Variants in MAP4K1 observed in about 807,000 individuals in gnomAD.
The protein encoded by MAP4K1 is MAPK/ERK kinase kinase kinase 1.
In MAP4K1, 35 loss-of-function variants were observed where a neutral mutation model predicts 122.8. The observed-to-expected ratio is 0.29, with a 90% CI of 0.22 to 0.38. MAP4K1 has a LOEUF of 0.38. Among genes scored for constraint, MAP4K1 ranks in the 10% least tolerant of loss-of-function variants. The pLI is 1.00. For missense variants in MAP4K1, 791 were observed against 1,072.6 expected, an observed-to-expected ratio of 0.74 and a Z score of 3.67; for synonymous variants, 412 against 421.3, an observed-to-expected ratio of 0.98 and a Z score of 0.27.
rs1351016967 is a variant in MAP4K1 at position 38,609,577 on chromosome 19, A to T, written c.1006+19T>A. ...ATTATAGGGTCAGGTGTCCCCAAAC[A>T]TAAGGATTCTCTACTCACGACAGCA... On this transcript the variant is annotated intron_variant, in intron 13 of 30. Coordinates refer to ENST00000396857, the MANE Select transcript of MAP4K1 (RefSeq NM_001042600.3). The T allele has an allele frequency of 6.2e-7, 1 of 1,610,928 alleles. No homozygotes were observed. The highest frequency in any genetic ancestry group is 8.5e-7 in the Non-Finnish European group (1 of 1,178,332).
At chr19:38,601,319 A>G (rs1260234179) in intron 20 of MAP4K1, 122 bp downstream of exon 20, 30 of 833,500 alleles carry the variant, frequency 3.6e-5, no homozygotes, top group Non-Finnish European at 5.5e-5. Context: ...CAGCCTGGCC[A>G]CACCCCAACT....
At chr19:38,612,842 G>C in intron 8 of MAP4K1, 100 bp from the exon 9 acceptor site, 2 of 1,304,724 alleles carry the variant, frequency 1.5e-6, no homozygotes, top group South Asian at 2.5e-5. Flanking sequence ...GCAGCACACA[G>C]AGAGTCAGAT....
chr19:38,589,356 G>C, intron 30 of MAP4K1: 1 of 224,872 alleles, frequency 4.4e-6, no homozygotes, highest in South Asian at 4.1e-5. Context: ...GTGAAAATCT[G>C]ATGAGAAACA....
chr19:38,603,102 GTA>G (rs1975180986), intron 19 of MAP4K1, among the ~76,000 whole-genome samples: 1 of 71,916 alleles, frequency 1.4e-5, no homozygotes, highest in South Asian at 4.5e-4. Context: ...ATATACACAT[GTA>G]CATATATACA....
At chr19:38,602,779 C>CATATACATATATACACACATACAT (rs1568630738) in intron 19 of MAP4K1, among the ~76,000 whole-genome samples, 1 of 144,118 alleles carries the variant, frequency 6.9e-6, no homozygotes, top group Non-Finnish European at 1.5e-5. Flanking sequence ...CATATATACA[C>CATATACATATATACACACATACAT]ATATACATAT....
At chr19:38,611,222 C>A in intron 10 of MAP4K1, 21 bp downstream of exon 10, 7 of 1,611,324 alleles carry the variant, frequency 4.3e-6, no homozygotes, top group Non-Finnish European at 5.9e-6. Context: ...TCTCACCCTC[C>A]CTCCTGTTAC....
In MAP4K1 at chr19:38,593,296, C is replaced by T. The variant is rs770628237; in HGVS notation, c.2382G>A (p.Leu794=). Residue 794 remains leucine (L), a synonymous_variant, in exon 30 of 31, where the codon CTG becomes CTA. Transcript: ENST00000396857. Reference sequence around the variant, plus strand: ...CCACAACATACCTGGGGGAGCCAAGCAGACGGAAAGTGAGGGTAGGGTCTC... The same window carrying T: ...CCACAACATACCTGGGGGAGCCAAGTAGACGGAAAGTGAGGGTAGGGTCTC... The part of the protein sequence containing the change: ...ELRDPTLTFR[L]LGSPRPVVVE... 1 of 1,612,168 alleles carries T rather than the reference C, an allele frequency of 6.2e-7. No individual in the cohort carries two copies. Among genetic ancestry groups the T allele is most frequent in the Non-Finnish European group, 8.5e-7 (1 of 1,179,100 alleles).
intron 22 of MAP4K1, among the ~76,000 whole-genome samples, chr19:38,599,626 C>T (rs573080930): frequency 6.6e-6 from 1 of 151,874 alleles, no homozygotes; most frequent in Non-Finnish European, 1.5e-5. Context: ...TGTACCACTG[C>T]GCTCCAGCCT....
In MAP4K1 at chr19:38,614,336, T is replaced by C. The variant is rs1222239589; in HGVS notation, c.370-44A>G. 3.7e-6 allele frequency: 6 copies of C among 1,613,804 alleles called. No individual in the cohort carries two copies. The East Asian group carries it at 1.3e-4, about 36-fold the overall frequency. Reference sequence around the variant, plus strand: ...AAGGGGACAGTGAGTGTTTGGGGGCTGGAGTGGGGCCACCCTCCCCTCCCA... The same window carrying C: ...AAGGGGACAGTGAGTGTTTGGGGGCCGGAGTGGGGCCACCCTCCCCTCCCA... On this transcript the variant is annotated intron_variant, in intron 5 of 30. Transcript: ENST00000396857.
chr19:38,603,173 CAT>C (rs1445124370), intron 19 of MAP4K1, among the ~76,000 whole-genome samples: 2 of 148,628 alleles, frequency 1.3e-5, no homozygotes, highest in East Asian at 2.0e-4. Context: ...CATATATACA[CAT>C]GTACATATAT....
intron 20 of MAP4K1, among the ~76,000 whole-genome samples, chr19:38,601,190 T>C (rs893564829): frequency 6.6e-6 from 1 of 150,654 alleles, no homozygotes. Context: ...CTCAAATGAT[T>C]CACCCGCCTC....
chr19:38,609,625 G>T lies in MAP4K1; in HGVS notation c.977C>A (p.Ser326Tyr). 2 of 1,613,934 alleles carry T rather than the reference G, an allele frequency of 1.2e-6. No individual in the cohort carries two copies. Among genetic ancestry groups the T allele is most frequent in the South Asian group, 1.1e-5 (1 of 91,016 alleles). ...RRIRSTHRSS[S>Y]LGIPDADCCR... ...GCAGTCTGCATCTGGGATCCCCAGA[G>T]AGCTGGAGCGGTGGGTGGATCTGAT... Residue 326 changes from serine (S) to tyrosine (Y), a missense_variant, in exon 13 of 31, where the codon TCT becomes TAT. Physicochemically the swap from Ser to Tyr is moderately radical, Grantham distance 144. Around this residue, in one of 4 missense-constraint regions of MAP4K1, gnomAD observed 303 missense variants for 344.8 expected, o/e 0.88. Coordinates refer to ENST00000396857, the MANE Select transcript of MAP4K1 (RefSeq NM_001042600.3).
rs1486195248 is a variant in MAP4K1, at chr19:38,597,703, A to C, written c.1670-109T>G. ...CCCATCCCTTTGTCTGAAACTCCCA[A>C]GCCTGCAAGTCTCAAGTACTTGTCA... On this transcript the variant is annotated intron_variant, in intron 22 of 30. Coordinates refer to ENST00000396857, the MANE Select transcript of MAP4K1 (RefSeq NM_001042600.3). The surrounding 1 kb of genome is among the most constrained non-coding windows in gnomAD (Gnocchi z 4.6). 2 of 675,068 alleles carry C rather than the reference A, an allele frequency of 3.0e-6. No homozygotes were observed. The highest frequency in any genetic ancestry group is 3.6e-5 in the African/African-American group (2 of 55,224). 41.8% of individuals were successfully genotyped at this position (675,068 alleles called of 1,614,324 possible).
In MAP4K1 at chr19:38,594,975, A is replaced by ATCTATCTG. The variant is rs1555808085; in HGVS notation, c.2340+509_2340+510insCAGATAGA. Among the ~76,000 whole-genome samples the ATCTATCTG allele has an allele frequency of 7.8e-3, 1,175 of 150,958 alleles. 14 individuals carry two copies. Among genetic ancestry groups the ATCTATCTG allele is most frequent in the African/African-American group, 0.028 (1,138 of 41,010 alleles). On this transcript the variant is annotated intron_variant, in intron 29 of 30. Coordinates refer to ENST00000396857, the MANE Select transcript of MAP4K1 (RefSeq NM_001042600.3). ...ATAAATTTTATCTATCTATCTATCT[A>ATCTATCTG]TCTATCTATCTATCTATCTATAAAA...
In MAP4K1 at chr19:38,608,234, A is replaced by C. The variant is rs1975390520; in HGVS notation, c.1007-64T>G. ...GGGCAAGGGGTAACGAGATGGGTTTAAGAACAGAAAGAGTAGAATTGGCGG... is the reference window on the plus strand; with the variant it reads ...GGGCAAGGGGTAACGAGATGGGTTTCAGAACAGAAAGAGTAGAATTGGCGG... On this transcript the variant is annotated intron_variant, in intron 13 of 30. Transcript: ENST00000396857. 4 of 730,232 alleles carry C rather than the reference A, an allele frequency of 5.5e-6. No homozygotes were observed. The Admixed American group carries it at 1.1e-4, about 20-fold the overall frequency. 45.2% of individuals were successfully genotyped at this position (730,232 alleles called of 1,614,324 possible).
At chr19:38,611,332 G>A (rs1378889796) in intron 9 of MAP4K1, 27 bp from the exon 10 acceptor site, 1 of 1,547,896 alleles carries the variant, frequency 6.5e-7, no homozygotes, top group African/African-American at 1.4e-5. Context: ...AGGACATGGG[G>A]TTCAGACCCT....
Position 38,605,723 on chromosome 19 carries a change from A to G in MAP4K1, c.1208T>C (p.Phe403Ser). The change falls in exon 18 of 31, where the codon TTC (phenylalanine) becomes TCC (serine). Residue 403 changes from phenylalanine (F) to serine (S), a missense_variant. Coordinates refer to ENST00000396857, the MANE Select transcript of MAP4K1 (RefSeq NM_001042600.3). ...TPPPLPPKPK[F>S]RSPSDEGPGS... ...AGGACCCTCGTCTGATGGAGAACGG[A>G]ACTTGGGCTTTGGAGACGGGAATGG... The G allele has an allele frequency of 6.2e-7, 1 of 1,605,300 alleles. No homozygotes were observed. The highest frequency in any genetic ancestry group is 1.1e-5 in the South Asian group (1 of 90,272).
At position 38,596,263 on chromosome 19, in the gene MAP4K1, C is replaced by G. The variant is rs1213955282; in HGVS notation, c.2116+49G>C. On this transcript the variant is annotated intron_variant, in intron 26 of 30. Transcript: ENST00000396857. ...GCGAAGCCCCGCCTCCAGCTCCGCC[C>G]CTCCGGATCTGATAAGCCCCGCCCT... The G allele has an allele frequency of 2.0e-6, 3 of 1,493,658 alleles. 1 individual carries two copies. In the South Asian group the frequency reaches 4.0e-5, roughly 20 times the overall value. 92.5% of individuals were successfully genotyped at this position (1,493,658 alleles called of 1,614,324 possible).
At chr19:38,609,557 A>G (rs1405863159) in intron 13 of MAP4K1, 39 bp downstream of exon 13, 1 of 1,580,396 alleles carries the variant, frequency 6.3e-7, no homozygotes, top group African/African-American at 1.3e-5. Context: ...GGTCTATTAT[A>G]GGGTCAGGTG....
Sources: allele counts gnomAD v4.1 joint callset (sites outside exome capture counted in the v4.1 genomes callset), GRCh38; gene constraint gnomAD v4.1.1; regional missense constraint gnomAD v4.1.1; non-coding constraint Gnocchi (gnomAD v3.1); transcripts MANE v1.5; gene names NCBI Gene and HGNC (gene_info 2026-07-23, HGNC 2026-07-21).